Variants in BCAP29 observed in about 807,000 individuals in gnomAD.
BCAP29 encodes B cell receptor associated protein 29.
In BCAP29, 34 loss-of-function variants were observed where a neutral mutation model predicts 31.8. The observed-to-expected ratio is 1.07, with a 90% CI of 0.81 to 1.42. The LOEUF is 1.42. BCAP29 is among the 40% of genes most tolerant of loss of function. The pLI, the probability that BCAP29 is intolerant of heterozygous loss-of-function variation, is 0.00. For missense variants in BCAP29, 314 were observed against 269.2 expected, an observed-to-expected ratio of 1.17 and a Z score of -1.16; for synonymous variants, 104 against 91.3, an observed-to-expected ratio of 1.14 and a Z score of -0.79.
intron 6 of BCAP29, among the ~76,000 whole-genome samples, chr7:107,601,577 A>G (rs1223240397): frequency 6.6e-6 from 1 of 152,168 alleles, no homozygotes. Context: ...AAATTCAAGA[A>G]TCTTCTAGTT....
intron 6 of BCAP29, among the ~76,000 whole-genome samples, chr7:107,604,106 A>G (rs965018684): frequency 3.3e-5 from 5 of 152,200 alleles, no homozygotes; most frequent in African/African-American, 9.7e-5. Flanking sequence ...AGCACGCAAT[A>G]GAGATACTAG....
intron 3 of BCAP29, chr7:107,588,039 G>C (rs1808030509): frequency 1.3e-5 from 2 of 152,214 alleles, no homozygotes; most frequent in Non-Finnish European, 2.9e-5. Flanking sequence ...AATTACTCTT[G>C]AACATAGTAC....
chr7:107,582,773 C>T (rs1473750895), intron 2 of BCAP29, among the ~76,000 whole-genome samples: 1 of 152,144 alleles, frequency 6.6e-6, no homozygotes, highest in African/African-American at 2.4e-5. Context: ...TTCCCTTTTA[C>T]ACCACACCAA....
downstream of BCAP29, chr7:107,621,941 T>C (rs775428072): frequency 7.6e-6 from 4 of 525,896 alleles, no homozygotes; most frequent in African/African-American, 3.9e-5. Context: ...AGATCTGTAA[T>C]GGCCTGAACT....
At position 107,618,555 on chromosome 7, in the gene BCAP29, C is replaced by G. The variant is rs776893923; in HGVS notation, c.*192C>G. 1.6e-5 allele frequency: 25 copies of G among 1,598,628 alleles called. No individual in the cohort carries two copies. The highest frequency in any genetic ancestry group is 2.1e-5 in the Non-Finnish European group (25 of 1,167,498). On this transcript the variant is annotated 3_prime_UTR_variant, in exon 8 of 8. Transcript: ENST00000005259. ...TCAGATATATTGCAAAGTCTGTATT[C>G]CAGCTCTTAAGAAAAATATAAGCAT... is the stretch of plus-strand genomic sequence containing the variant.
chr7:107,582,504 T>C (rs1806883788), intron 2 of BCAP29, among the ~76,000 whole-genome samples: 1 of 152,178 alleles, frequency 6.6e-6, no homozygotes, highest in African/African-American at 2.4e-5. Context: ...AACCCAGTGG[T>C]TAAAGGCACA....
chr7:107,599,022 A>T (rs867909905), intron 5 of BCAP29, among the ~76,000 whole-genome samples: 4 of 106,898 alleles, frequency 3.7e-5, no homozygotes, highest in South Asian at 3.2e-4. Context: ...TATATATATA[A>T]ATTTATATTA....
intron 6 of BCAP29, among the ~76,000 whole-genome samples, chr7:107,611,663 G>T (rs1314484784): frequency 6.6e-6 from 1 of 152,120 alleles, no homozygotes; most frequent in Admixed American, 6.5e-5. Context: ...TGTGAAGGTG[G>T]TCCTAATGAA....
chr7:107,602,818 CTA>C (rs1302818455), intron 6 of BCAP29, among the ~76,000 whole-genome samples: 1 of 152,070 alleles, frequency 6.6e-6, no homozygotes, highest in Non-Finnish European at 1.5e-5. Context: ...AGTTTGTAAA[CTA>C]TTACCGGTGC....
chr7:107,610,137 T>G (rs1247073808), intron 6 of BCAP29, among the ~76,000 whole-genome samples: 2 of 152,246 alleles, frequency 1.3e-5, no homozygotes, highest in Non-Finnish European at 2.9e-5. Context: ...TATGTGTCAC[T>G]GTAACATTAG....
At chr7:107,606,701 T>C (rs1812161861) in intron 6 of BCAP29, among the ~76,000 whole-genome samples, 1 of 152,180 alleles carries the variant, frequency 6.6e-6, no homozygotes, top group Non-Finnish European at 1.5e-5. Flanking sequence ...GGCTGTTTGT[T>C]TAGAACATTT....
At chr7:107,620,638 C>T (rs1005944237), downstream of BCAP29, 5 of 152,110 alleles carry the variant, frequency 3.3e-5, no homozygotes, top group African/African-American at 1.2e-4. Flanking sequence ...TGCAAATCTG[C>T]CTGGAGGTTC....
In BCAP29 at chr7:107,612,418, TA is replaced by T. The variant is rs1563141336; in HGVS notation, c.590-913del. Among the ~76,000 whole-genome samples the T allele has an allele frequency of 5.5e-3, 239 of 43,274 alleles. 9 individuals are homozygous for T. In the South Asian group the frequency reaches 0.074, roughly 13 times the overall value. The allele number at this position is 43,274 out of a possible 152,430, so 28.4% of individuals were successfully genotyped here. A position where few individuals can be genotyped will look rare whatever the true frequency, so the allele number is the denominator to read the frequency against. On this transcript the variant is annotated intron_variant, in intron 6 of 7. Coordinates refer to ENST00000005259, the MANE Select transcript of BCAP29 (RefSeq NM_018844.4). ...ATATATATATATATATATATATATA[TA>T]TATATATATATATATATATATTTAT...
intron 4 of BCAP29, 106 bp downstream of exon 4, chr7:107,594,211 C>G (rs1809391046): frequency 4.9e-6 from 5 of 1,011,586 alleles, no homozygotes; most frequent in Non-Finnish European, 7.1e-6. Context: ...TTAAGAGAGA[C>G]AACCTTTCGC....
At chr7:107,595,785 G>T in intron 4 of BCAP29, 82 bp from the exon 5 acceptor site, 1 of 1,419,870 alleles carries the variant, frequency 7.0e-7, no homozygotes, top group Non-Finnish European at 9.6e-7. Context: ...TATATCTAAT[G>T]GGGAGTAATT....
chr7:107,589,772 GGATT>G (rs1452691307), intron 3 of BCAP29, among the ~76,000 whole-genome samples: 2 of 152,156 alleles, frequency 1.3e-5, no homozygotes, highest in African/African-American at 2.4e-5. Context: ...TAAATACAAA[GGATT>G]GAAGTCCTAC....
Position 107,583,862 on chromosome 7 carries a change from ATAATT to A in BCAP29, c.93-19_93-15del, listed in dbSNP as rs1229013809. ...TTATTTTAGTTTTTTTATACCTAAT[ATAATT>A]GTATTGCTTTACAGATGGCAGAAGA... On this transcript the variant is annotated splice_polypyrimidine_tract_variant and intron_variant, in intron 2 of 7. Coordinates refer to ENST00000005259, the MANE Select transcript of BCAP29 (RefSeq NM_018844.4). 4 of 1,341,776 alleles carry A rather than the reference ATAATT, an allele frequency of 3.0e-6. No individual in the cohort carries two copies. The Admixed American group carries it at 6.6e-5, about 22-fold the overall frequency. 83.1% of individuals were successfully genotyped at this position (1,341,776 alleles called of 1,614,324 possible). A position where few individuals can be genotyped will look rare whatever the true frequency, so the allele number is the denominator to read the frequency against.
chr7:107,599,317 A>G (rs1373279458), intron 5 of BCAP29, among the ~76,000 whole-genome samples: 1 of 48,156 alleles, frequency 2.1e-5, no homozygotes, highest in Non-Finnish European at 4.2e-5. Context: ...TTTTATATAT[A>G]TATATATAAA....
intron 6 of BCAP29, among the ~76,000 whole-genome samples, chr7:107,601,774 A>G (rs982263679): frequency 1.3e-5 from 2 of 152,206 alleles, no homozygotes; most frequent in African/African-American, 4.8e-5. Flanking sequence ...GAAACCATCT[A>G]TTTCCAAAAC....
Sources: gnomAD v4.1 joint callset for allele counts (sites outside exome capture counted in the v4.1 genomes callset) on GRCh38, gnomAD v4.1.1 for gene constraint, MANE v1.5 for transcripts, NCBI Gene and HGNC (gene_info 2026-07-23, HGNC 2026-07-21) for gene names.